Variants in BLK observed in about 807,000 individuals in gnomAD.
BLK encodes BLK proto-oncogene, Src family tyrosine kinase, also known as tyrosine-protein kinase Blk.
Under a neutral mutation model 61.8 loss-of-function variants are expected in BLK, and 64 were observed. That is an observed-to-expected ratio of 1.03 (90% CI 0.85 to 1.27). The LOEUF (loss-of-function observed/expected upper bound fraction) is 1.27, where lower values mean the gene tolerates loss of function less well. Among genes scored for constraint, BLK ranks in the 50% most tolerant of loss-of-function variants. BLK has a pLI of 0.00. For synonymous variants in BLK, 351 were observed against 272.0 expected, an observed-to-expected ratio of 1.29 and a Z score of -2.86; for missense variants, 853 against 660.5, an observed-to-expected ratio of 1.29 and a Z score of -3.19.
chr8:11,543,198 C>G, intron 1 of BLK, 26 bp from the exon 2 acceptor site: 1 of 1,613,424 alleles, frequency 6.2e-7, no homozygotes, highest in East Asian at 2.2e-5. Flanking sequence ...CTCTCATGTC[C>G]TCTGTCTGCT....
chr8:11,512,455 C>G (rs1450217507), intron 1 of BLK, among the ~76,000 whole-genome samples: 1 of 152,214 alleles, frequency 6.6e-6, no homozygotes, highest in Non-Finnish European at 1.5e-5. Context: ...GAAAGCCCAA[C>G]AGTTCTAATC....
At chr8:11,552,531 C>T (rs1400375151) in intron 6 of BLK, 1 of 152,152 alleles carries the variant, frequency 6.6e-6, no homozygotes, top group Non-Finnish European at 1.5e-5. Flanking sequence ...ACATTTCAAA[C>T]ATACACAGAA....
At chr8:11,506,511 C>T (rs1272978233) in intron 1 of BLK, among the ~76,000 whole-genome samples, 5 of 152,036 alleles carry the variant, frequency 3.3e-5, no homozygotes, top group African/African-American at 7.2e-5. Flanking sequence ...ACTGGATTTA[C>T]GTATGTTGAG....
chr8:11,540,956 T>A (rs1800352284), intron 1 of BLK, among the ~76,000 whole-genome samples: 1 of 152,136 alleles, frequency 6.6e-6, no homozygotes, highest in Non-Finnish European at 1.5e-5. Flanking sequence ...ATACAGATTC[T>A]CATTCTAAAT....
At chr8:11,552,459 CTG>C (rs1432486793) in intron 6 of BLK, 3 of 152,150 alleles carry the variant, frequency 2.0e-5, no homozygotes, top group Non-Finnish European at 4.4e-5. Context: ...CAGAGCACCT[CTG>C]TACAAGAAAT....
intron 1 of BLK, among the ~76,000 whole-genome samples, chr8:11,541,164 G>A (rs1445296462): frequency 3.6e-5 from 3 of 83,924 alleles, no homozygotes; most frequent in Non-Finnish European, 6.9e-5. Context: ...CTACTCGAGA[G>A]GCTGAGGTGG....
chr8:11,534,642 A>T (rs1800035208), intron 1 of BLK, among the ~76,000 whole-genome samples: 1 of 152,070 alleles, frequency 6.6e-6, no homozygotes, highest in African/African-American at 2.4e-5. Flanking sequence ...CAATGGGGGG[A>T]GGTGAATTTC....
At chr8:11,556,914 C>T (rs559967227) in intron 9 of BLK, 77 bp downstream of exon 9, 33 of 1,289,674 alleles carry the variant, frequency 2.6e-5, no homozygotes, top group Middle Eastern at 5.4e-4. Flanking sequence ...GGGTCCGCTG[C>T]GGTGGGTTCA....
At position 11,516,150 on chromosome 8, in the gene BLK, G is replaced by C. The variant is rs545803276; in HGVS notation, c.-2+21559G>C. 6.6e-5 allele frequency among the ~76,000 whole-genome samples: 10 copies of C among 152,366 alleles called. 1 individual carries two copies. The South Asian group carries it at 2.1e-3, about 32-fold the overall frequency. ...CCACGAAGACATGACGCTAAGAGGA[G>C]AGAGTCAGACACAAAGGAGAAACAC... On this transcript the variant is annotated intron_variant, in intron 1 of 12. Transcript: ENST00000259089.
rs764915190 is a variant in BLK, at chr8:11,555,321, C to T, written c.620-11C>T. 8.1e-5 allele frequency: 131 copies of T among 1,613,882 alleles called. No homozygotes were observed. Among genetic ancestry groups the T allele is most frequent in the Non-Finnish European group, 1.0e-4 (123 of 1,180,028 alleles). On this transcript the variant is annotated splice_polypyrimidine_tract_variant and intron_variant, in intron 7 of 12. Transcript: ENST00000259089. ...GTAACCCCCAGCCCTGTCTTTTCTTCCCTAATGCAGAGAAGGGGGATGGTC... is the reference window on the plus strand; with the variant it reads ...GTAACCCCCAGCCCTGTCTTTTCTTTCCTAATGCAGAGAAGGGGGATGGTC...
intron 1 of BLK, among the ~76,000 whole-genome samples, chr8:11,540,930 CAA>C (rs1415970550): frequency 2.6e-5 from 4 of 151,514 alleles, no homozygotes; most frequent in Non-Finnish European, 5.9e-5. Context: ...GCCTCATAGA[CAA>C]ATCTCCCTTG....
At chr8:11,552,803 T>C (rs1302085319) in intron 6 of BLK, 1 of 152,246 alleles carries the variant, frequency 6.6e-6, no homozygotes, top group Non-Finnish European at 1.5e-5. Context: ...CCTGTCCATG[T>C]CCACCCCAGG....
chr8:11,507,992 A>C (rs1483944897), intron 1 of BLK, among the ~76,000 whole-genome samples: 1 of 152,130 alleles, frequency 6.6e-6, no homozygotes, highest in Non-Finnish European at 1.5e-5. Flanking sequence ...CACATCAGGC[A>C]CACTGGTCAA....
In BLK at chr8:11,563,961, C is replaced by G. The variant is rs1356289485; in HGVS notation, c.1371C>G (p.Pro457=). ...NLERGYRMPR[P]DTCPPELYRG... is the part of the protein sequence containing the mutation. ...AGCGCGGCTACCGCATGCCGCGCCC[C>G]GACACCTGCCCGCCCGAGCTGTACC... Residue 457 remains proline, a synonymous_variant, in exon 13 of 13, where the codon CCC becomes CCG. Coordinates refer to ENST00000259089, the MANE Select transcript of BLK (RefSeq NM_001715.3). 3 of 1,606,844 alleles carry G rather than the reference C, an allele frequency of 1.9e-6. No homozygotes were observed. The highest frequency in any genetic ancestry group is 2.2e-5 in the East Asian group (1 of 44,846).
At chr8:11,517,836 C>T (rs1471313891) in intron 1 of BLK, among the ~76,000 whole-genome samples, 1 of 152,224 alleles carries the variant, frequency 6.6e-6, no homozygotes, top group Non-Finnish European at 1.5e-5. Flanking sequence ...TATGCCCCGA[C>T]AGCTTGAACC....
chr8:11,561,801 C>T (rs568550916), intron 11 of BLK, among the ~76,000 whole-genome samples: 1 of 151,666 alleles, frequency 6.6e-6, no homozygotes. Context: ...TAGTGCCTCC[C>T]AAACTAATTT....
At position 11,549,052 on chromosome 8, in the gene BLK, C is replaced by T. The variant is rs1483150439; in HGVS notation, c.298C>T (p.Leu100Phe). Residue 100 changes from leucine (L) to phenylalanine (F), a missense_variant, in exon 5 of 13, where the codon CTC (leucine) becomes TTC (phenylalanine). By Grantham distance (22) the Leu-to-Phe change is conservative (BLOSUM62 0). Transcript: ENST00000259089. ...GTGDWWLARSLVTGREGYVPS... is the reference protein window; with the variant it reads ...GTGDWWLARSFVTGREGYVPS... Reference sequence around the variant, plus strand: ...TGGAGACTGGTGGCTGGCCAGGTCACTCGTCACAGGAAGAGAAGGCTATGT... The same window carrying T: ...TGGAGACTGGTGGCTGGCCAGGTCATTCGTCACAGGAAGAGAAGGCTATGT... 1 of 1,611,028 alleles carries T rather than the reference C, an allele frequency of 6.2e-7. No homozygotes were observed. Among genetic ancestry groups the T allele is most frequent in the Non-Finnish European group, 8.5e-7 (1 of 1,178,880 alleles).
chr8:11,542,039 T>C (rs1013327415), intron 1 of BLK, among the ~76,000 whole-genome samples: 9 of 152,218 alleles, frequency 5.9e-5, no homozygotes, highest in Non-Finnish European at 1.5e-5. Context: ...CTGTCCTATA[T>C]CGAAATTTGT....
Position 11,549,022 on chromosome 8 carries a change from A to G in BLK, c.270-2A>G, listed in dbSNP as rs1319247926. 1.9e-6 allele frequency: 3 copies of G among 1,606,238 alleles called. No homozygotes were observed. The highest frequency in any genetic ancestry group is 2.6e-6 in the Non-Finnish European group (3 of 1,176,450). On this transcript the variant is annotated splice_acceptor_variant, in intron 4 of 12. Transcript: ENST00000259089. LOFTEE classifies it high-confidence loss of function. The stretch of plus-strand genomic sequence containing the variant: ...CATCTCTGTTTCCCCTGCTCCCATT[A>G]GAACTGGAGACTGGTGGCTGGCCAG...
Sources: allele counts gnomAD v4.1 joint callset (sites outside exome capture counted in the v4.1 genomes callset), GRCh38; gene constraint gnomAD v4.1.1; transcripts MANE v1.5; gene names NCBI Gene and HGNC (gene_info 2026-07-23, HGNC 2026-07-21).